The following CRIM1 variants were observed in gnomAD, a reference collection of about 807,000 sequenced individuals.
The protein encoded by CRIM1 is cysteine-rich motor neuron 1 protein.
CRIM1 carries 32 observed loss-of-function variants against 116.4 expected under a neutral mutation model. The ratio of observed to expected loss-of-function variants is 0.27; its 90% CI spans 0.21 to 0.37. CRIM1 has a LOEUF of 0.37. CRIM1 is among the 10% of genes least tolerant of loss of function. The pLI is 1.00. For synonymous variants in CRIM1, 590 were observed against 509.2 expected (o/e 1.16, Z -2.13); for missense variants, 1,331 against 1,354.8 (o/e 0.98, Z 0.28).
intron 2 of CRIM1, among the ~76,000 whole-genome samples, chr2:36,406,471 C>G (rs75723018): frequency 2.0e-5 from 3 of 152,034 alleles, no homozygotes; most frequent in East Asian, 1.9e-4. Context: ...CTGACCCACC[C>G]GGAAGGTGAG....
chr2:36,471,707 A>G (rs1258344326), intron 5 of CRIM1, among the ~76,000 whole-genome samples: 3 of 148,582 alleles, frequency 2.0e-5, no homozygotes, highest in African/African-American at 7.5e-5. Flanking sequence ...ACTAACACTA[A>G]TGATAGCTGA....
Position 36,428,132 on chromosome 2 carries a change from A to T in CRIM1, c.506-13126A>T, listed in dbSNP as rs1430400039. On this transcript the variant is annotated intron_variant, in intron 2 of 16. Transcript: ENST00000280527. ...TCAAATAACTATCAGTGTAAGATGC[A>T]GACTACAGACTGAAAAATGAGAAGG... is the stretch of plus-strand genomic sequence containing the variant. Among the ~76,000 whole-genome samples, 12 of 152,250 alleles carry T rather than the reference A, an allele frequency of 7.9e-5. 1 individual carries two copies. Among genetic ancestry groups the T allele is most frequent in the Non-Finnish European group, 1.5e-4 (10 of 68,038 alleles).
intron 2 of CRIM1, among the ~76,000 whole-genome samples, chr2:36,430,706 A>G (rs985135350): frequency 8.5e-5 from 13 of 152,216 alleles, no homozygotes; most frequent in Admixed American, 2.6e-4. Flanking sequence ...AAGGAGTCCT[A>G]GGACCAGAAT....
chr2:36,462,466 T>C (rs1210539498), intron 4 of CRIM1, among the ~76,000 whole-genome samples: 1 of 152,252 alleles, frequency 6.6e-6, no homozygotes, highest in Non-Finnish European at 1.5e-5. Flanking sequence ...GTGTGACTCC[T>C]AACAGCATAG....
chr2:36,357,017 C>T (rs1668873668), intron 1 of CRIM1, among the ~76,000 whole-genome samples: 1 of 152,212 alleles, frequency 6.6e-6, no homozygotes, highest in Non-Finnish European at 1.5e-5. Context: ...GCCCTACCGC[C>T]CTCCCCGCAC....
chr2:36,455,423 A>T (rs947635443), intron 4 of CRIM1, among the ~76,000 whole-genome samples: 7 of 152,126 alleles, frequency 4.6e-5, no homozygotes, highest in Admixed American at 1.3e-4. Context: ...AATCATCCCC[A>T]CTGTACATAG....
intron 13 of CRIM1, among the ~76,000 whole-genome samples, chr2:36,534,701 A>G (rs1666406721): frequency 6.6e-6 from 1 of 151,342 alleles, no homozygotes; most frequent in Non-Finnish European, 1.5e-5. Flanking sequence ...GGAAGAAGGA[A>G]AAGGAAGACA....
chr2:36,442,612 C>A lies in CRIM1; in HGVS notation c.749-3C>A, dbSNP rs780679096. 1.9e-6 allele frequency: 3 copies of A among 1,614,128 alleles called. No homozygotes were observed. The highest frequency in any genetic ancestry group is 2.5e-6 in the Non-Finnish European group (3 of 1,179,990). ...ACGGTGCCTCTCTGTTTGCCCCTTT[C>A]AGTTTTCGGCGTGGACTGCAGGACT... is the stretch of plus-strand genomic sequence containing the variant. On this transcript the variant is annotated splice_region_variant and splice_polypyrimidine_tract_variant and intron_variant, in intron 3 of 16. Transcript: ENST00000280527.
chr2:36,521,951 T>C, intron 12 of CRIM1, 141 bp from the exon 13 acceptor site: 1 of 664,762 alleles, frequency 1.5e-6, no homozygotes, highest in Non-Finnish European at 2.7e-6. Context: ...TCCCGAATCA[T>C]ACTTTCTGAT....
rs879936003 is a variant in CRIM1 at position 36,447,525 on chromosome 2, C to G, written c.869+4790C>G. ...GGCAGGTTGACTGAGACTGGATGTC[C>G]CTCCCATGTTTGGAAACTCAGCTGG... On this transcript the variant is annotated intron_variant, in intron 4 of 16. Coordinates refer to ENST00000280527, the MANE Select transcript of CRIM1 (RefSeq NM_016441.3). Among the ~76,000 whole-genome samples, 8 of 152,258 alleles carry G rather than the reference C, an allele frequency of 5.3e-5. No homozygotes were observed. The South Asian group carries it at 1.7e-3, about 32-fold the overall frequency.
rs781123135 is a variant in CRIM1 at position 36,512,299 on chromosome 2, G to T, written c.1685G>T (p.Cys562Phe). Residue 562 changes from cysteine (C) to phenylalanine (F), a missense_variant, in exon 10 of 17, where the codon TGT (cysteine) becomes TTT (phenylalanine). By Grantham distance (205) the Cys-to-Phe change is radical. This residue lies in a region of CRIM1 where 358 missense variants were observed against 436.1 expected (regional missense o/e 0.82). Transcript: ENST00000280527. ...AAGAATAAGCACGGCTGTGACATCT[G>T]TCGCTGTAAGAAATGTCCAGAGCTC... ...LLKNKHGCDI[C>F]RCKKCPELSC... 1 of 1,613,628 alleles carries T rather than the reference G, an allele frequency of 6.2e-7. No individual in the cohort carries two copies. The highest frequency in any genetic ancestry group is 1.7e-5 in the Admixed American group (1 of 60,020).
chr2:36,528,964 T>C (rs1401849175), intron 13 of CRIM1, among the ~76,000 whole-genome samples: 2 of 152,194 alleles, frequency 1.3e-5, no homozygotes, highest in African/African-American at 4.8e-5. Flanking sequence ...GGCCCCCGGC[T>C]GTGTAAACAG....
At chr2:36,360,446 G>T (rs1375021216) in intron 1 of CRIM1, among the ~76,000 whole-genome samples, 1 of 152,134 alleles carries the variant, frequency 6.6e-6, no homozygotes, top group Non-Finnish European at 1.5e-5. Flanking sequence ...ATCTAAAAAC[G>T]ACCTCTTTCA....
intron 1 of CRIM1, among the ~76,000 whole-genome samples, chr2:36,364,325 G>A (rs1343996942): frequency 6.6e-6 from 1 of 152,192 alleles, no homozygotes; most frequent in Non-Finnish European, 1.5e-5. Context: ...TAAAAGACCT[G>A]ATAAATGTTA....
intron 1 of CRIM1, among the ~76,000 whole-genome samples, chr2:36,367,721 G>T (rs1022673080): frequency 6.6e-6 from 1 of 152,194 alleles, no homozygotes; most frequent in Non-Finnish European, 1.5e-5. Context: ...AAAAGATCAA[G>T]AGTTCCTCCA....
intron 1 of CRIM1, among the ~76,000 whole-genome samples, chr2:36,379,903 T>TAAA (rs34543532): frequency 7.2e-6 from 1 of 139,760 alleles, no homozygotes; most frequent in East Asian, 2.1e-4. Context: ...ATGGTTTGGT[T>TAAA]AAAAAAAAAA....
intron 16 of CRIM1, among the ~76,000 whole-genome samples, chr2:36,548,085 G>A (rs777495503): frequency 3.3e-5 from 5 of 151,926 alleles, no homozygotes; most frequent in Non-Finnish European, 7.4e-5. Context: ...AAACAGACCC[G>A]CTCATAAAGT....
intron 13 of CRIM1, among the ~76,000 whole-genome samples, chr2:36,528,123 C>G (rs1420472584): frequency 2.6e-5 from 4 of 152,186 alleles, no homozygotes; most frequent in African/African-American, 7.2e-5. Flanking sequence ...TATATTGATT[C>G]AGTAGAATTG....
intron 8 of CRIM1, among the ~76,000 whole-genome samples, chr2:36,506,197 A>T (rs903044723): frequency 4.0e-5 from 6 of 150,792 alleles, no homozygotes; most frequent in African/African-American, 1.2e-4. Flanking sequence ...ACACACACAC[A>T]CACACACACA....
Sources: gnomAD v4.1 joint callset for allele counts (sites outside exome capture counted in the v4.1 genomes callset) on GRCh38, gnomAD v4.1.1 for gene constraint, gnomAD v4.1.1 regional missense constraint, MANE v1.5 for transcripts, NCBI Gene and HGNC (gene_info 2026-07-23, HGNC 2026-07-21) for gene names.